The following SLCO1C1 variants were observed in gnomAD, a reference collection of about 807,000 sequenced individuals.
SLCO1C1 encodes solute carrier organic anion transporter family member 1C1.
A neutral mutation model predicts 76.4 loss-of-function variants in SLCO1C1; 70 were observed. The ratio of observed to expected loss-of-function variants is 0.92; its 90% confidence interval spans 0.76 to 1.12. The LOEUF is 1.12. Among genes scored for constraint, SLCO1C1 ranks in the 50% most tolerant of loss-of-function variants. The probability of loss-of-function intolerance (pLI) is 0.00; values close to 1 mark genes in which losing one functional copy is unlikely to be tolerated. For synonymous variants in SLCO1C1, 306 were observed against 286.1 expected, an observed-to-expected ratio of 1.07 and a Z score of -0.70; for missense variants, 912 against 823.8, an observed-to-expected ratio of 1.11 and a Z score of -1.31.
chr12:20,739,936 G>A (rs34596286), intron 11 of SLCO1C1, among the ~76,000 whole-genome samples: 1 of 152,172 alleles, frequency 6.6e-6, no homozygotes, highest in African/African-American at 2.4e-5. Flanking sequence ...GGTTAGATTA[G>A]GCAGGATTTG....
rs1948379287 is a variant in SLCO1C1 at position 20,733,218 on chromosome 12, C to A, written c.1382+114C>A. ...TAAACATCATAACTATGGTAAGCAA[C>A]TTAGTATTTTATTGTGGAATAACTG... is the stretch of plus-strand genomic sequence containing the variant. On this transcript the variant is annotated intron_variant, in intron 10 of 14. Coordinates refer to ENST00000266509, the MANE Select transcript of SLCO1C1 (RefSeq NM_017435.5). 7 of 993,816 alleles carry A rather than the reference C, an allele frequency of 7.0e-6. No individual in the cohort carries two copies. The East Asian group carries it at 1.9e-4, about 27-fold the overall frequency. The allele number at this position is 993,816 out of a possible 1,614,324, so 61.6% of individuals were successfully genotyped here.
Position 20,743,354 on chromosome 12 carries a change from G to A in SLCO1C1, c.1783G>A (p.Ala595Thr). The change falls in exon 13 of 15, where the codon GCA (alanine) becomes ACA (threonine). Residue 595 changes from alanine (A) to threonine (T), a missense_variant. By Grantham distance (58) the Ala-to-Thr change is moderately conservative. Coordinates refer to ENST00000266509, the MANE Select transcript of SLCO1C1 (RefSeq NM_017435.5). ...TTTTGCCTTGGGTATCTACACATTAGCAATAAGAGTTCTTGGTAAGTTTAA... is the reference window on the plus strand; with the variant it reads ...TTTTGCCTTGGGTATCTACACATTAACAATAAGAGTTCTTGGTAAGTTTAA... Reference protein sequence around the residue: ...KSFALGIYTLAIRVLAGIPAP... With the variant: ...KSFALGIYTLTIRVLAGIPAP... 4 of 1,612,522 alleles carry A rather than the reference G, an allele frequency of 2.5e-6. No individual in the cohort carries two copies. The highest frequency in any genetic ancestry group is 2.5e-6 in the Non-Finnish European group (3 of 1,179,080).
chr12:20,721,955 T>G lies in SLCO1C1; in HGVS notation c.927T>G (p.Asn309Lys), dbSNP rs75171154. ...GATCCCAAAGTAGAGAGGATTCTAA[T>G]TCTTCCTCTGAGAAATCCAAGTTTA... ...LPRSQSREDS[N>K]SSSEKSKFII... is the part of the protein sequence containing the mutation. The change falls in exon 8 of 15, where the codon AAT (asparagine) becomes AAG (lysine). Residue 309 changes from asparagine to lysine, a missense_variant. Transcript: ENST00000266509. 8.0e-4 allele frequency: 1,288 copies of G among 1,614,140 alleles called. 15 individuals carry two copies. The African/African-American group carries it at 0.015, about 19-fold the overall frequency.
intron 13 of SLCO1C1, among the ~76,000 whole-genome samples, chr12:20,744,321 A>T (rs973476693): frequency 6.6e-5 from 10 of 152,128 alleles, no homozygotes; most frequent in African/African-American, 2.4e-4. Context: ...GTTCCAACAT[A>T]AACAAATGAT....
At chr12:20,699,070 T>G (rs1946397342) in intron 1 of SLCO1C1, among the ~76,000 whole-genome samples, 1 of 152,094 alleles carries the variant, frequency 6.6e-6, no homozygotes, top group African/African-American at 2.4e-5. Flanking sequence ...TCACATTGGG[T>G]GCTACAGGAA....
At chr12:20,742,780 T>C (rs1242638503) in intron 12 of SLCO1C1, among the ~76,000 whole-genome samples, 1 of 151,434 alleles carries the variant, frequency 6.6e-6, no homozygotes, top group Non-Finnish European at 1.5e-5. Context: ...GACCTCGTGA[T>C]CGCCTCGGCC....
At chr12:20,709,329 A>G (rs1214045191) in intron 4 of SLCO1C1, among the ~76,000 whole-genome samples, 1 of 152,194 alleles carries the variant, frequency 6.6e-6, no homozygotes, top group African/African-American at 2.4e-5. Flanking sequence ...ACAGATAGCA[A>G]TTAGTAACAA....
At chr12:20,719,716 C>A (rs1222343055) in intron 7 of SLCO1C1, among the ~76,000 whole-genome samples, 1 of 152,168 alleles carries the variant, frequency 6.6e-6, no homozygotes, top group Non-Finnish European at 1.5e-5. Flanking sequence ...GAGGAAGCTG[C>A]AGAAGAAAAG....
chr12:20,746,146 A>G (rs79932851), intron 13 of SLCO1C1, among the ~76,000 whole-genome samples: 2 of 152,196 alleles, frequency 1.3e-5, no homozygotes, highest in Non-Finnish European at 2.9e-5. Flanking sequence ...AGAAGGCTAT[A>G]TCACAAGGGA....
intron 13 of SLCO1C1, among the ~76,000 whole-genome samples, chr12:20,750,393 A>T (rs1592347401): frequency 6.6e-6 from 1 of 152,180 alleles, no homozygotes; most frequent in East Asian, 1.9e-4. Context: ...GCTTCCACTG[A>T]TAAAGGGACA....
At chr12:20,721,323 G>A (rs151013977) in intron 7 of SLCO1C1, among the ~76,000 whole-genome samples, 10 of 152,166 alleles carry the variant, frequency 6.6e-5, no homozygotes, top group African/African-American at 2.4e-4. Flanking sequence ...TTCATACATT[G>A]CCACAGTCAT....
rs145256162 is a variant in SLCO1C1 at position 20,723,575 on chromosome 12, A to T, written c.1186+321A>T. 1.2e-3 allele frequency among the ~76,000 whole-genome samples: 181 copies of T among 152,302 alleles called. 1 individual carries two copies. Among genetic ancestry groups the T allele is most frequent in the African/African-American group, 4.1e-3 (169 of 41,560 alleles). ...CCATTTTACATGAACAGTTTCTAGG[A>T]TTATATAAAATGCACAATGAGATAG... On this transcript the variant is annotated intron_variant, in intron 9 of 14. Transcript: ENST00000266509.
At chr12:20,733,920 G>A (rs1036568763) in intron 10 of SLCO1C1, among the ~76,000 whole-genome samples, 1 of 152,122 alleles carries the variant, frequency 6.6e-6, no homozygotes, top group Non-Finnish European at 1.5e-5. Context: ...TGAATTTCCA[G>A]AGGTAACTTT....
Position 20,721,989 on chromosome 12 carries a change from G to C in SLCO1C1, c.961G>C (p.Asp321His). Residue 321 changes from aspartate (D) to histidine (H), a missense_variant, in exon 8 of 15, where the codon GAT becomes CAT. By Grantham distance (81) the Asp-to-His change is moderately conservative. Coordinates refer to ENST00000266509, the MANE Select transcript of SLCO1C1 (RefSeq NM_017435.5). ...TGAGAAATCCAAGTTTATTATAGATGATCACACAGACTACCAAACACCCCA... is the reference window on the plus strand; with the variant it reads ...TGAGAAATCCAAGTTTATTATAGATCATCACACAGACTACCAAACACCCCA... Reference protein sequence around the residue: ...SSEKSKFIIDDHTDYQTPQGE... With the variant: ...SSEKSKFIIDHHTDYQTPQGE... 2 of 1,614,070 alleles carry C rather than the reference G, an allele frequency of 1.2e-6. No homozygotes were observed. Among genetic ancestry groups the C allele is most frequent in the Non-Finnish European group, 1.7e-6 (2 of 1,180,002 alleles).
At chr12:20,713,141 G>A (rs911342311) in intron 5 of SLCO1C1, among the ~76,000 whole-genome samples, 1 of 149,362 alleles carries the variant, frequency 6.7e-6, no homozygotes, top group Non-Finnish European at 1.5e-5. Flanking sequence ...GTGCAGTGGC[G>A]CGATCTCGGC....
intron 10 of SLCO1C1, among the ~76,000 whole-genome samples, chr12:20,734,827 G>A (rs976441415): frequency 6.6e-6 from 1 of 152,134 alleles, no homozygotes; most frequent in African/African-American, 2.4e-5. Context: ...TAATTGTATT[G>A]CAGTAATGCT....
At chr12:20,727,495 G>A (rs1211117230) in intron 9 of SLCO1C1, among the ~76,000 whole-genome samples, 1 of 152,036 alleles carries the variant, frequency 6.6e-6, no homozygotes, top group Non-Finnish European at 1.5e-5. Flanking sequence ...CTGCTTACAC[G>A]TTTTTTGCTT....
chr12:20,702,428 T>C (rs990131844), intron 3 of SLCO1C1, among the ~76,000 whole-genome samples: 5 of 151,980 alleles, frequency 3.3e-5, no homozygotes, highest in Non-Finnish European at 7.4e-5. Flanking sequence ...GAATGACATT[T>C]CTTAGTGCCA....
chr12:20,709,376 C>A (rs1946945539), intron 4 of SLCO1C1, among the ~76,000 whole-genome samples: 1 of 151,914 alleles, frequency 6.6e-6, no homozygotes, highest in African/African-American at 2.4e-5. Context: ...TATTTGAAAT[C>A]AAAATAATTA....
Sources: gnomAD v4.1 joint callset for allele counts (sites outside exome capture counted in the v4.1 genomes callset) on GRCh38, gnomAD v4.1.1 for gene constraint, MANE v1.5 for transcripts, NCBI Gene and HGNC (gene_info 2026-07-23, HGNC 2026-07-21) for gene names.